The following ZBBX variants were observed in gnomAD, a reference collection of about 807,000 sequenced individuals.
ZBBX encodes zinc finger B-box domain-containing protein 1.
Under a neutral mutation model 108.5 loss-of-function variants are expected in ZBBX, and 101 were observed. That is an observed-to-expected ratio of 0.93 (90% CI 0.79 to 1.10). ZBBX has a LOEUF of 1.10. Among genes scored for constraint, ZBBX ranks in the 50% least tolerant of loss-of-function variants. The probability of loss-of-function intolerance (pLI) is 0.00; values close to 1 mark genes in which losing one functional copy is unlikely to be tolerated. For synonymous variants in ZBBX, 356 were observed against 323.4 expected (o/e 1.10, Z -1.08); for missense variants, 1,009 against 941.4 (o/e 1.07, Z -0.94).
chr3:167,283,598 C>T (rs1197741358), intron 19 of ZBBX, among the ~76,000 whole-genome samples: 2 of 152,034 alleles, frequency 1.3e-5, no homozygotes, highest in Non-Finnish European at 2.9e-5. Flanking sequence ...TGACTACAGG[C>T]GGTAATCATG....
intron 9 of ZBBX, among the ~76,000 whole-genome samples, chr3:167,349,313 T>C (rs1341374391): frequency 1.3e-5 from 2 of 152,128 alleles, no homozygotes; most frequent in Non-Finnish European, 2.9e-5. Flanking sequence ...ATTCATATAT[T>C]AACAATTAGA....
At chr3:167,316,693 T>C (rs1332883284) in intron 14 of ZBBX, among the ~76,000 whole-genome samples, 1 of 152,086 alleles carries the variant, frequency 6.6e-6, no homozygotes, top group East Asian at 1.9e-4. Context: ...CTTGATAACA[T>C]AGAGAACTAA....
intron 1 of ZBBX, among the ~76,000 whole-genome samples, chr3:167,389,731 G>T (rs1748034177): frequency 6.6e-6 from 1 of 152,166 alleles, no homozygotes; most frequent in Non-Finnish European, 1.5e-5. Flanking sequence ...AATGACTAGT[G>T]ATGATGAGCT....
At chr3:167,220,091 T>A in the ZBBX span, among the ~76,000 whole-genome samples, 13 of 151,940 alleles carry the variant, frequency 8.6e-5, no homozygotes, top group Admixed American at 7.2e-4. Flanking sequence ...AGTAATGAGT[T>A]CGAAGTTGTA....
the ZBBX span, among the ~76,000 whole-genome samples, chr3:167,189,482 C>G: frequency 6.6e-6 from 1 of 152,116 alleles, no homozygotes; most frequent in African/African-American, 2.4e-5. Context: ...CATGCACACA[C>G]TCATGTGTAC....
At chr3:167,262,658 T>C (rs1335144180) in intron 20 of ZBBX, among the ~76,000 whole-genome samples, 2 of 152,130 alleles carry the variant, frequency 1.3e-5, no homozygotes, top group Non-Finnish European at 1.5e-5. Context: ...TATTGGTATG[T>C]TCAGGTTTTG....
the ZBBX span, among the ~76,000 whole-genome samples, chr3:167,190,472 C>T: frequency 6.6e-6 from 1 of 151,714 alleles, no homozygotes; most frequent in Non-Finnish European, 1.5e-5. Flanking sequence ...GCTCCGCCTC[C>T]CGGGTTCATG....
chr3:167,257,087 C>G (rs1189163601), intron 20 of ZBBX, among the ~76,000 whole-genome samples: 1 of 152,164 alleles, frequency 6.6e-6, no homozygotes, highest in Non-Finnish European at 1.5e-5. Flanking sequence ...TATGTTCCCA[C>G]CAACAGTGTA....
intron 16 of ZBBX, among the ~76,000 whole-genome samples, chr3:167,309,900 G>T (rs1019625921): frequency 6.6e-6 from 1 of 152,164 alleles, no homozygotes; most frequent in Admixed American, 6.5e-5. Context: ...ACATGGTCAG[G>T]CTGCAAATTT....
At chr3:167,337,255 T>C (rs4513450) in intron 9 of ZBBX, among the ~76,000 whole-genome samples, 2,156 of 152,242 alleles carry the variant, frequency 0.014, 25 homozygotes, top group South Asian at 0.046. Context: ...GGGTGGCTCA[T>C]GCCTGTAATT....
chr3:167,399,434 T>G (rs1229151804), intron 1 of ZBBX: 2 of 152,182 alleles, frequency 1.3e-5, no homozygotes, highest in Non-Finnish European at 2.9e-5. Flanking sequence ...GTCAGTAGCT[T>G]GCACTCTGGT....
chr3:167,305,636 G>T lies in ZBBX; in HGVS notation c.1725+7C>A, dbSNP rs777918373. ...ATTTTAATATAATAAACATAATAGA[G>T]ATTTACCAGTGATGACTTTGTAGTT... On this transcript the variant is annotated splice_region_variant and intron_variant, in intron 17 of 21. Coordinates refer to ENST00000675490, the MANE Select transcript of ZBBX (RefSeq NM_001199201.2). 3.0e-5 allele frequency: 46 copies of T among 1,527,056 alleles called. No individual in the cohort carries two copies. Among genetic ancestry groups the T allele is most frequent in the Non-Finnish European group, 3.9e-5 (45 of 1,142,358 alleles). 94.6% of individuals were successfully genotyped at this position (1,527,056 alleles called of 1,614,324 possible).
chr3:167,366,726 C>A, intron 5 of ZBBX: 1 of 412,256 alleles, frequency 2.4e-6, no homozygotes. Context: ...CTCAGTCAAG[C>A]TTTAGAATGT....
intron 18 of ZBBX, among the ~76,000 whole-genome samples, chr3:167,291,055 T>C (rs944932922): frequency 6.6e-6 from 1 of 151,954 alleles, no homozygotes; most frequent in African/African-American, 2.4e-5. Context: ...TATGGGACTG[T>C]GTGAAAAGAC....
the ZBBX span, among the ~76,000 whole-genome samples, chr3:167,200,483 GAA>G: frequency 6.6e-6 from 1 of 152,064 alleles, no homozygotes; most frequent in East Asian, 1.9e-4. Context: ...TGAAATTAAA[GAA>G]AAGTGTCAAA....
intron 12 of ZBBX, 67 bp from the exon 13 acceptor site, chr3:167,317,664 C>T (rs1735688031): frequency 9.7e-7 from 1 of 1,035,812 alleles, no homozygotes; most frequent in South Asian, 1.5e-5. Flanking sequence ...CAGACAAGCT[C>T]TTGATTTATT....
chr3:167,252,881 A>C (rs1342758294), intron 20 of ZBBX, among the ~76,000 whole-genome samples: 1 of 152,186 alleles, frequency 6.6e-6, no homozygotes, highest in Admixed American at 6.5e-5. Context: ...TAAATAATAA[A>C]ATGTATCAAT....
chr3:167,354,012 T>C (rs1743106245), intron 8 of ZBBX, among the ~76,000 whole-genome samples: 1 of 152,030 alleles, frequency 6.6e-6, no homozygotes, highest in Non-Finnish European at 1.5e-5. Context: ...CATTGTAAGT[T>C]GAAAATATAT....
chr3:167,209,471 T>G, the ZBBX span, among the ~76,000 whole-genome samples: 1 of 152,120 alleles, frequency 6.6e-6, no homozygotes, highest in African/African-American at 2.4e-5. Flanking sequence ...CTTCTGGATC[T>G]TATCCAAGAC....
Sources: allele counts gnomAD v4.1 joint callset (sites outside exome capture counted in the v4.1 genomes callset), GRCh38; gene constraint gnomAD v4.1.1; transcripts MANE v1.5; gene names NCBI Gene and HGNC (gene_info 2026-07-23, HGNC 2026-07-21).